The following NELFA variants were observed in gnomAD, a reference collection of about 807,000 sequenced individuals.
The protein encoded by NELFA is negative elongation factor complex member A, also known as negative elongation factor A.
NELFA carries 35 observed loss-of-function variants against 51.8 expected under a neutral mutation model. The ratio of observed to expected loss-of-function variants is 0.68; its 90% CI spans 0.52 to 0.90. The LOEUF (loss-of-function observed/expected upper bound fraction) is 0.90. Among genes scored for constraint, NELFA ranks in the 40% least tolerant of loss-of-function variants. The pLI, the probability that NELFA is intolerant of heterozygous loss-of-function variation, is 0.00. For synonymous variants in NELFA, 417 were observed against 338.4 expected (o/e 1.23, Z -2.55); for missense variants, 658 against 746.4 (o/e 0.88, Z 1.38).
chr4:1,991,279 A>T (rs231200), intron 2 of NELFA, among the ~76,000 whole-genome samples: 1 of 151,938 alleles, frequency 6.6e-6, no homozygotes, highest in Non-Finnish European at 1.5e-5. Flanking sequence ...GACCAGAGAG[A>T]GACGGCGAGT....
rs180745031 is a variant in NELFA, at chr4:2,004,776, C to A, written c.210+3974G>T. On this transcript the variant is annotated intron_variant, in intron 1 of 10. Coordinates refer to ENST00000382882, the MANE Select transcript of NELFA (RefSeq NM_005663.5). Reference sequence around the variant, plus strand: ...GTGCTGAGATTACAGGCATGAGCTACTGCACCCAGCTATACATTATATTTT... The same window carrying A: ...GTGCTGAGATTACAGGCATGAGCTAATGCACCCAGCTATACATTATATTTT... Among the ~76,000 whole-genome samples, 49 of 149,898 alleles carry A rather than the reference C, an allele frequency of 3.3e-4. 1 individual carries two copies. The East Asian group carries it at 8.2e-3, about 25-fold the overall frequency.
chr4:2,007,886 A>C (rs1728752162), intron 1 of NELFA: 1 of 447,200 alleles, frequency 2.2e-6, no homozygotes, highest in Non-Finnish European at 4.5e-6. Flanking sequence ...ATGGGGCTTC[A>C]ATAGTCTGCA....
At chr4:1,983,551 C>T (rs371667569) in intron 10 of NELFA, 45 bp downstream of exon 10, 71 of 1,612,050 alleles carry the variant, frequency 4.4e-5, no homozygotes, top group Non-Finnish European at 5.4e-5. Flanking sequence ...GCACCCGCCC[C>T]CAACCCGGCC....
In NELFA at chr4:1,983,458, C is replaced by G; in HGVS notation, c.1448G>C (p.Ser483Thr). Reference protein sequence around the residue: ...EQGDVIQIKLSEHTEDLPKAD... With the variant: ...EQGDVIQIKLTEHTEDLPKAD... Reference sequence around the variant, plus strand: ...CTTGGGCAGGTCCTCCGTGTGCTCGCTCAGCTTGATCTGGATCACGTCCCC... The same window carrying G: ...CTTGGGCAGGTCCTCCGTGTGCTCGGTCAGCTTGATCTGGATCACGTCCCC... The change falls in exon 11 of 11, where the codon AGC becomes ACC. Residue 483 changes from serine to threonine, a missense_variant. Ser to Thr is a moderately conservative substitution (Grantham distance 58, BLOSUM62 1). This residue lies in a region of NELFA where 87 missense variants were observed against 130.2 expected (regional missense o/e 0.67). Transcript: ENST00000382882. 1 of 1,614,202 alleles carries G rather than the reference C, an allele frequency of 6.2e-7. No homozygotes were observed. Among genetic ancestry groups the G allele is most frequent in the Non-Finnish European group, 8.5e-7 (1 of 1,180,036 alleles).
rs765641882 is a variant in NELFA, at chr4:2,008,965, G to C, written c.-6C>G. 6.4e-7 allele frequency: 1 copy of C among 1,553,592 alleles called. No individual in the cohort carries two copies. ...CTCTCCCGCATGGACGCCATCTTGG[G>C]GGAAAGCGCGCGCCGCTGCCCCGGC... On this transcript the variant is annotated 5_prime_UTR_variant, in exon 1 of 11. Coordinates refer to ENST00000382882, the MANE Select transcript of NELFA (RefSeq NM_005663.5).
chr4:2,001,025 A>G (rs1169288074), intron 1 of NELFA, among the ~76,000 whole-genome samples: 2 of 152,240 alleles, frequency 1.3e-5, no homozygotes, highest in African/African-American at 2.4e-5. Context: ...TCACATAAAC[A>G]GAACCAAAGA....
At chr4:2,002,669 T>A (rs932834965) in intron 1 of NELFA, among the ~76,000 whole-genome samples, 6 of 152,212 alleles carry the variant, frequency 3.9e-5, no homozygotes, top group African/African-American at 1.4e-4. Context: ...CTGGGAAAAC[T>A]GGCTAGCCAT....
intron 1 of NELFA, chr4:2,004,082 C>G (rs563767347): frequency 3.1e-4 from 47 of 152,020 alleles, no homozygotes; most frequent in African/African-American, 1.0e-3. Context: ...TCCCTTGAAC[C>G]TGGGAGGCGC....
chr4:1,986,231 A>G (rs757184445), intron 5 of NELFA, 41 bp downstream of exon 5: 5 of 1,564,086 alleles, frequency 3.2e-6, no homozygotes, highest in Admixed American at 1.9e-5. Flanking sequence ...CCAGGGCGCA[A>G]CGGGCCCCGG....
At chr4:1,993,697 A>G (rs1195454684) in intron 1 of NELFA, among the ~76,000 whole-genome samples, 2 of 152,038 alleles carry the variant, frequency 1.3e-5, no homozygotes, top group African/African-American at 2.4e-5. Flanking sequence ...TCCAAGATCA[A>G]TTAAGGCGCT....
At chr4:1,985,895 C>T (rs1476757278) in intron 6 of NELFA, 31 bp from the exon 7 acceptor site, 3 of 1,572,090 alleles carry the variant, frequency 1.9e-6, no homozygotes, top group Non-Finnish European at 2.6e-6. Flanking sequence ...CTCGCCAGTG[C>T]CCGGGCGCGT....
Position 1,986,282 on chromosome 4 carries a change from C to T in NELFA, c.755G>A (p.Arg252Gln), listed in dbSNP as rs1421756817. The T allele has an allele frequency of 3.8e-6, 6 of 1,581,912 alleles. No individual in the cohort carries two copies. Among genetic ancestry groups the T allele is most frequent in the Non-Finnish European group, 5.2e-6 (6 of 1,163,758 alleles). Residue 252 changes from arginine to glutamine, a missense_variant, in exon 5 of 11, where the codon CGA becomes CAA. Physicochemically the swap from Arg to Gln is conservative, Grantham distance 43. Transcript: ENST00000382882. ...PPSRTLLRKE[R>Q]GVKLLDISEL... is the part of the protein sequence containing the mutation. ...GGGGGACGGGCCTACCTTCACACCT[C>T]GTTCCTTCCGCAGCAGCGTCCTGGA...
chr4:1,998,673 T>C (rs1728494765), intron 1 of NELFA, among the ~76,000 whole-genome samples: 1 of 152,118 alleles, frequency 6.6e-6, no homozygotes, highest in Admixed American at 6.5e-5. Flanking sequence ...AACCTACTAC[T>C]GACTGGAGTA....
In NELFA at chr4:1,989,241, C is replaced by T. The variant is rs1728202563; in HGVS notation, c.544+467G>A. Among the ~76,000 whole-genome samples, 2 of 151,732 alleles carry T rather than the reference C, an allele frequency of 1.3e-5. No individual in the cohort carries two copies. Among genetic ancestry groups the T allele is most frequent in the Admixed American group, 1.3e-4 (2 of 15,262 alleles). ...GTTTACAGGTGTGAGCCACCATGCC[C>T]AGCCTAAATTCTGAAGTTTTTAAAG... On this transcript the variant is annotated intron_variant, in intron 3 of 10. Coordinates refer to ENST00000382882, the MANE Select transcript of NELFA (RefSeq NM_005663.5). This position sits in a 1 kb window ranked among gnomAD's most constrained non-coding sequence, Gnocchi z 4.8.
intron 1 of NELFA, among the ~76,000 whole-genome samples, chr4:1,997,584 G>T (rs184767794): frequency 8.4e-4 from 128 of 152,314 alleles, no homozygotes; most frequent in African/African-American, 2.5e-3. Flanking sequence ...CACTAGGATC[G>T]CTATATCAAA....
At chr4:2,008,657 G>C in intron 1 of NELFA, 93 bp downstream of exon 1, 1 of 1,449,070 alleles carries the variant, frequency 6.9e-7, no homozygotes, top group Non-Finnish European at 9.3e-7. Context: ...GGAAGGTTGG[G>C]GGAGGGAGCG....
intron 1 of NELFA, 120 bp from the exon 2 acceptor site, chr4:1,991,835 C>A: frequency 9.5e-7 from 1 of 1,048,608 alleles, no homozygotes; most frequent in Non-Finnish European, 1.4e-6. Flanking sequence ...GCCCCCAACA[C>A]TTCCTCCTGA....
chr4:1,984,155 C>A (rs1437384898), intron 8 of NELFA, 42 bp from the exon 9 acceptor site: 2 of 1,476,658 alleles, frequency 1.4e-6, no homozygotes. Flanking sequence ...TGGACCCCCA[C>A]CCTGTTCCCA....
intron 4 of NELFA, chr4:1,986,671 C>T: frequency 2.2e-6 from 1 of 447,518 alleles, no homozygotes; most frequent in Non-Finnish European, 4.1e-6. Context: ...AGTCTCTCAC[C>T]AGTGTGGCGG....
Sources: gnomAD v4.1 joint callset for allele counts (sites outside exome capture counted in the v4.1 genomes callset) on GRCh38, gnomAD v4.1.1 for gene constraint, gnomAD v4.1.1 regional missense constraint, Gnocchi (gnomAD v3.1) non-coding constraint, MANE v1.5 for transcripts, NCBI Gene and HGNC (gene_info 2026-07-23, HGNC 2026-07-21) for gene names.